CCSER1: variants seen among roughly 807,000 people sequenced by gnomAD.
CCSER1 encodes serine-rich coiled-coil domain-containing protein 1.
Under a neutral mutation model 82.0 loss-of-function variants are expected in CCSER1, and 41 were observed. The ratio of observed to expected loss-of-function variants is 0.50; its 90% confidence interval spans 0.39 to 0.65. The LOEUF is 0.65. Ranked by LOEUF, CCSER1 falls within the 30% of genes least tolerant of loss-of-function variation. The pLI, the probability that CCSER1 is intolerant of heterozygous loss-of-function variation, is 0.00. For synonymous variants in CCSER1, 414 were observed against 383.9 expected, an observed-to-expected ratio of 1.08 and a Z score of -0.92; for missense variants, 1,119 against 1,064.2, an observed-to-expected ratio of 1.05 and a Z score of -0.72.
intron 1 of CCSER1, among the ~76,000 whole-genome samples, chr4:90,180,120 T>TTATATATATATA (rs59586682): frequency 9.3e-5 from 13 of 140,314 alleles, no homozygotes; most frequent in African/African-American, 2.8e-4. Flanking sequence ...GCTTATGTAG[T>TTATATATATATA]TATATATATA....
intron 5 of CCSER1, among the ~76,000 whole-genome samples, chr4:90,576,159 T>G (rs991252869): frequency 6.6e-6 from 1 of 152,214 alleles, no homozygotes; most frequent in Non-Finnish European, 1.5e-5. Context: ...TTTTTTCTAC[T>G]TTCTAAGAGA....
chr4:90,453,952 G>A (rs1174483901), intron 4 of CCSER1, among the ~76,000 whole-genome samples: 1 of 152,160 alleles, frequency 6.6e-6, no homozygotes, highest in East Asian at 1.9e-4. Context: ...ACCAGAGCCA[G>A]GTAGAGGAGC....
intron 7 of CCSER1, among the ~76,000 whole-genome samples, chr4:90,758,747 T>C (rs1205612501): frequency 6.6e-6 from 1 of 152,114 alleles, no homozygotes; most frequent in Non-Finnish European, 1.5e-5. Flanking sequence ...CAAAGAATGA[T>C]AAAATGAGAA....
At chr4:90,707,253 C>A (rs1361043224) in intron 6 of CCSER1, among the ~76,000 whole-genome samples, 2 of 148,532 alleles carry the variant, frequency 1.3e-5, no homozygotes, top group African/African-American at 4.9e-5. Flanking sequence ...TTTTTTTTTT[C>A]AATAATCTTG....
chr4:90,287,975 A>T, intron 1 of CCSER1, among the ~76,000 whole-genome samples: 1 of 150,962 alleles, frequency 6.6e-6, no homozygotes. Flanking sequence ...AACAAAAAAA[A>T]CCCTGGGCAT....
intron 10 of CCSER1, among the ~76,000 whole-genome samples, chr4:91,383,808 A>G (rs1578325972): frequency 2.6e-5 from 4 of 152,324 alleles, no homozygotes; most frequent in Middle Eastern, 6.8e-3. Context: ...TTTTTATTAC[A>G]TTACACAGAA....
chr4:90,751,356 G>A (rs527965997), intron 7 of CCSER1, among the ~76,000 whole-genome samples: 14 of 152,200 alleles, frequency 9.2e-5, no homozygotes, highest in East Asian at 1.9e-4. Flanking sequence ...GGTAAAAACA[G>A]CGTAAGTGGT....
intron 10 of CCSER1, among the ~76,000 whole-genome samples, chr4:91,244,017 G>A (rs1417904403): frequency 1.3e-5 from 2 of 152,274 alleles, no homozygotes; most frequent in East Asian, 3.9e-4. Context: ...CCTTCCCTGG[G>A]CTACAGGAGA....
chr4:90,451,555 G>A (rs982320307), intron 4 of CCSER1, among the ~76,000 whole-genome samples: 79 of 152,300 alleles, frequency 5.2e-4, no homozygotes, highest in African/African-American at 1.8e-3. Flanking sequence ...CTTGGTGGAG[G>A]ATTTTTAAGA....
At chr4:90,751,010 C>CT (rs551302278) in intron 7 of CCSER1, among the ~76,000 whole-genome samples, 4 of 152,124 alleles carry the variant, frequency 2.6e-5, no homozygotes, top group South Asian at 2.1e-4. Context: ...CTGAAAATAA[C>CT]TTTTTTTAAC....
At chr4:90,305,267 A>G (rs2153476502) in intron 1 of CCSER1, among the ~76,000 whole-genome samples, 1 of 152,328 alleles carries the variant, frequency 6.6e-6, no homozygotes, top group Non-Finnish European at 1.5e-5. Context: ...AAAAATGGCC[A>G]ATAAATATTT....
At chr4:91,315,607 G>T (rs1279579046) in intron 10 of CCSER1, among the ~76,000 whole-genome samples, 1 of 151,888 alleles carries the variant, frequency 6.6e-6, no homozygotes, top group Non-Finnish European at 1.5e-5. Flanking sequence ...AAGAATAAAC[G>T]ATTTATTTAT....
At chr4:90,877,922 T>C (rs1007904616) in intron 8 of CCSER1, among the ~76,000 whole-genome samples, 3 of 152,126 alleles carry the variant, frequency 2.0e-5, no homozygotes, top group African/African-American at 7.2e-5. Context: ...AAAACATCAG[T>C]TACTATCCAA....
chr4:90,411,514 G>T (rs1249248361), intron 4 of CCSER1, among the ~76,000 whole-genome samples: 3 of 152,096 alleles, frequency 2.0e-5, no homozygotes, highest in African/African-American at 4.8e-5. Context: ...CAGAACCAAA[G>T]ACAAAAACCA....
Position 90,590,895 on chromosome 4 carries a change from G to A in CCSER1, c.1725-37130G>A, listed in dbSNP as rs566779565. Among the ~76,000 whole-genome samples the A allele has an allele frequency of 2.6e-4, 39 of 152,278 alleles. No homozygotes were observed. The South Asian group carries it at 7.9e-3, about 31-fold the overall frequency. Reference sequence around the variant, plus strand: ...TCTATAAATTACTTTGGGCAGTATGGCCATTTTCATGATATTGGTTCTTCC... The same window carrying A: ...TCTATAAATTACTTTGGGCAGTATGACCATTTTCATGATATTGGTTCTTCC... On this transcript the variant is annotated intron_variant, in intron 5 of 10. Coordinates refer to ENST00000509176, the MANE Select transcript of CCSER1 (RefSeq NM_001145065.2).
intron 1 of CCSER1, among the ~76,000 whole-genome samples, chr4:90,128,749 T>C (rs1722301406): frequency 6.6e-6 from 1 of 151,986 alleles, no homozygotes; most frequent in Admixed American, 6.5e-5. Flanking sequence ...GTATCCAGAG[T>C]GAGAAGAAAG....
In CCSER1 at chr4:91,602,081, T is replaced by A. The variant is rs1024356426; in HGVS notation, c.*3024T>A. 6.6e-6 allele frequency among the ~76,000 whole-genome samples: 1 copy of A among 152,032 alleles called. No homozygotes were observed. Among genetic ancestry groups the A allele is most frequent in the Non-Finnish European group, 1.5e-5 (1 of 67,966 alleles). ...AATGCTAAAGATGTGAATCCACCAC[T>A]ATCAATACGGTCAGGGTAAAACCTG... On this transcript the variant is annotated 3_prime_UTR_variant, in exon 11 of 11. Coordinates refer to ENST00000509176, the MANE Select transcript of CCSER1 (RefSeq NM_001145065.2).
chr4:91,467,337 C>A (rs188472912), intron 10 of CCSER1, among the ~76,000 whole-genome samples: 10 of 152,206 alleles, frequency 6.6e-5, no homozygotes, highest in African/African-American at 2.4e-4. Context: ...TTACACCTTA[C>A]ACAAAAATTA....
intron 8 of CCSER1, among the ~76,000 whole-genome samples, chr4:90,835,200 G>A (rs529717132): frequency 6.6e-6 from 1 of 152,146 alleles, no homozygotes; most frequent in Non-Finnish European, 1.5e-5. Context: ...GCGTGGTGGT[G>A]GACGCCTGTA....
Sources: gnomAD v4.1 joint callset for allele counts (sites outside exome capture counted in the v4.1 genomes callset) on GRCh38, gnomAD v4.1.1 for gene constraint, MANE v1.5 for transcripts, NCBI Gene and HGNC (gene_info 2026-07-23, HGNC 2026-07-21) for gene names.